Variants in ASTN2 observed in about 807,000 individuals in gnomAD.
ASTN2 encodes the protein astrotactin-2.
A neutral mutation model predicts 139.8 loss-of-function variants in ASTN2; 54 were observed. The ratio of observed to expected loss-of-function variants is 0.39; its 90% CI spans 0.31 to 0.48. The LOEUF (loss-of-function observed/expected upper bound fraction) is 0.48, where lower values mean the gene tolerates loss of function less well. Among genes scored for constraint, ASTN2 ranks in the 20% least tolerant of loss-of-function variants. The pLI is 0.95. For missense variants in ASTN2, 1,565 were observed against 1,725.1 expected (o/e 0.91, Z 1.64); for synonymous variants, 756 against 719.5 (o/e 1.05, Z -0.81).
intron 4 of ASTN2, among the ~76,000 whole-genome samples, chr9:117,110,218 T>G (rs997402779): frequency 1.3e-5 from 2 of 152,160 alleles, no homozygotes; most frequent in African/African-American, 4.8e-5. Context: ...CAGTGCAAAT[T>G]TATACGGTCC....
At chr9:117,014,099 G>T (rs1265026822) in intron 6 of ASTN2, among the ~76,000 whole-genome samples, 4 of 152,002 alleles carry the variant, frequency 2.6e-5, no homozygotes, top group African/African-American at 4.8e-5. Context: ...AATACCACGG[G>T]TCCTAGCTGT....
chr9:117,017,552 A>C (rs1053199212), intron 6 of ASTN2, among the ~76,000 whole-genome samples: 1 of 152,210 alleles, frequency 6.6e-6, no homozygotes, highest in African/African-American at 2.4e-5. Context: ...CAAATCACAT[A>C]GTCTTGGTAA....
chr9:116,520,631 A>G (rs1338304505), intron 19 of ASTN2, among the ~76,000 whole-genome samples: 1 of 152,164 alleles, frequency 6.6e-6, no homozygotes, highest in South Asian at 2.1e-4. Flanking sequence ...TGTTCAACAT[A>G]GTAGTGGAAG....
At chr9:116,729,713 T>C (rs1364230481) in intron 14 of ASTN2, among the ~76,000 whole-genome samples, 3 of 152,244 alleles carry the variant, frequency 2.0e-5, no homozygotes, top group Non-Finnish European at 2.9e-5. Context: ...CATGGAAACA[T>C]GGATGTTCAT....
intron 17 of ASTN2, among the ~76,000 whole-genome samples, chr9:116,629,154 G>T (rs1856609655): frequency 1.7e-5 from 2 of 117,376 alleles, no homozygotes; most frequent in Admixed American, 1.2e-4. Flanking sequence ...GTCTCGCTCT[G>T]TTGCCCAGGC....
chr9:116,657,888 AT>A (rs113620338), intron 16 of ASTN2, among the ~76,000 whole-genome samples: 4,597 of 134,864 alleles, frequency 0.034, 166 homozygotes, highest in African/African-American at 0.1. Context: ...AAGTAGCAAG[AT>A]TTTTTTTTTT....
chr9:116,590,614 GAT>G (rs1311099688), intron 19 of ASTN2, among the ~76,000 whole-genome samples: 1 of 152,200 alleles, frequency 6.6e-6, no homozygotes, highest in Non-Finnish European at 1.5e-5. Context: ...TCAGGCCTGG[GAT>G]GGCCTGAACC....
chr9:117,379,018 G>T (rs560160880), intron 1 of ASTN2, among the ~76,000 whole-genome samples: 2 of 152,236 alleles, frequency 1.3e-5, no homozygotes, highest in East Asian at 3.9e-4. Flanking sequence ...GAGACGTCAT[G>T]CTCCCTCTTT....
rs1831276851 is a variant in ASTN2, at chr9:117,414,662, C to T, written c.277G>A (p.Gly93Arg). 7.8e-7 allele frequency: 1 copy of T among 1,282,934 alleles called. No homozygotes were observed. The highest frequency in any genetic ancestry group is 3.3e-5 in the East Asian group (1 of 30,390). The allele number at this position is 1,282,934 out of a possible 1,614,324, so 79.5% of individuals were successfully genotyped here. Residue 93 changes from glycine to arginine, a missense_variant, in exon 1 of 23, where the codon GGG becomes AGG. Gly to Arg is a moderately radical substitution (Grantham distance 125). Coordinates refer to ENST00000313400, the MANE Select transcript of ASTN2 (RefSeq NM_001365068.1). The surrounding 1 kb of genome is among the most constrained non-coding windows in gnomAD (Gnocchi z 4.2). ...GCGGCGGCGGCTCCGGCCCCGGTCC[C>T]AGCCCCGGCCCCGGCGCGGGCGCCG... ...WSGARAGAGA[G>R]TGAGAAAAAA... is the part of the protein sequence containing the mutation.
intron 3 of ASTN2, among the ~76,000 whole-genome samples, chr9:117,189,367 T>C (rs1422937793): frequency 6.6e-6 from 1 of 152,008 alleles, no homozygotes; most frequent in Non-Finnish European, 1.5e-5. Flanking sequence ...CCTTCAGAAG[T>C]GGTGTGGTTG....
At chr9:116,998,549 T>TCATTCATCCATCCATCCATCCATC (rs1554767975) in intron 7 of ASTN2, among the ~76,000 whole-genome samples, 1 of 150,560 alleles carries the variant, frequency 6.6e-6, no homozygotes, top group Non-Finnish European at 1.5e-5. Flanking sequence ...AATTTGATTT[T>TCATTCATCCATCCATCCATCCATC]CATCCATCCA....
At chr9:116,892,585 A>G (rs1168820475) in intron 10 of ASTN2, among the ~76,000 whole-genome samples, 2 of 151,408 alleles carry the variant, frequency 1.3e-5, no homozygotes, top group Non-Finnish European at 2.9e-5. Context: ...ACTGACTTTT[A>G]ATCTATTTTT....
chr9:116,843,770 G>A (rs1414028983), intron 11 of ASTN2, among the ~76,000 whole-genome samples: 3 of 151,936 alleles, frequency 2.0e-5, no homozygotes, highest in African/African-American at 7.3e-5. Flanking sequence ...GGAGGTGAAA[G>A]GGAAGAAACA....
At chr9:116,547,188 T>C (rs927919771) in intron 19 of ASTN2, 1 of 152,184 alleles carries the variant, frequency 6.6e-6, no homozygotes, top group African/African-American at 2.4e-5. Flanking sequence ...GTATATGGGA[T>C]GGTGGTTCCC....
At chr9:117,180,740 G>A (rs1831041890) in intron 3 of ASTN2, 8 of 1,587,598 alleles carry the variant, frequency 5.0e-6, no homozygotes, top group South Asian at 3.3e-5. Context: ...AGAGGGCCAC[G>A]ACTGGGGATG....
chr9:116,778,668 C>A (rs769764322), intron 13 of ASTN2, among the ~76,000 whole-genome samples: 4 of 152,168 alleles, frequency 2.6e-5, no homozygotes, highest in Non-Finnish European at 5.9e-5. Context: ...ACCCAGTGCA[C>A]CCATCCTTGT....
intron 10 of ASTN2, among the ~76,000 whole-genome samples, chr9:116,892,378 G>A (rs1046239292): frequency 6.6e-6 from 1 of 152,140 alleles, no homozygotes; most frequent in Non-Finnish European, 1.5e-5. Context: ...CTTAGCTTAG[G>A]AACGGTTTTA....
chr9:116,727,673 A>C (rs924249181), intron 15 of ASTN2, among the ~76,000 whole-genome samples: 1 of 152,146 alleles, frequency 6.6e-6, no homozygotes, highest in African/African-American at 2.4e-5. Flanking sequence ...AAACAATACC[A>C]CAGAGATGCC....
At chr9:117,020,536 T>G (rs1042872500) in intron 6 of ASTN2, among the ~76,000 whole-genome samples, 1 of 152,076 alleles carries the variant, frequency 6.6e-6, no homozygotes, top group African/African-American at 2.4e-5. Context: ...TCATTTATCT[T>G]CCTTCCCTGG....
Sources: gnomAD v4.1 joint callset for allele counts (sites outside exome capture counted in the v4.1 genomes callset) on GRCh38, gnomAD v4.1.1 for gene constraint, Gnocchi (gnomAD v3.1) non-coding constraint, MANE v1.5 for transcripts, NCBI Gene and HGNC (gene_info 2026-07-23, HGNC 2026-07-21) for gene names.